The following TMEM163 variants were observed in gnomAD, a reference collection of about 807,000 sequenced individuals.
The protein encoded by TMEM163 is transmembrane protein 163.
In TMEM163, 17 loss-of-function variants were observed where a neutral mutation model predicts 29.3. The ratio of observed to expected loss-of-function variants is 0.58; its 90% CI spans 0.40 to 0.87. The LOEUF is 0.87. Among genes scored for constraint, TMEM163 ranks in the 40% least tolerant of loss-of-function variants. TMEM163 has a pLI of 0.00. For synonymous variants in TMEM163, 157 were observed against 160.6 expected, an observed-to-expected ratio of 0.98 and a Z score of 0.17; for missense variants, 303 against 381.5, an observed-to-expected ratio of 0.79 and a Z score of 1.71.
intron 5 of TMEM163, among the ~76,000 whole-genome samples, chr2:134,485,192 C>CCAGG (rs1399958563): frequency 6.6e-6 from 1 of 152,186 alleles, no homozygotes; most frequent in Non-Finnish European, 1.5e-5. Context: ...CCTGGCTTAG[C>CCAGG]CTAGCCTAAA....
intron 2 of TMEM163, among the ~76,000 whole-genome samples, chr2:134,562,090 G>A (rs1332867105): frequency 1.3e-5 from 2 of 152,206 alleles, no homozygotes; most frequent in East Asian, 3.8e-4. Context: ...CTGTGAGGTT[G>A]CTGGGAGTTT....
chr2:134,624,360 G>C (rs1682801061), intron 2 of TMEM163, among the ~76,000 whole-genome samples: 1 of 152,094 alleles, frequency 6.6e-6, no homozygotes, highest in African/African-American at 2.4e-5. Flanking sequence ...AACTAACAAA[G>C]GGACAGAAAA....
intron 5 of TMEM163, among the ~76,000 whole-genome samples, chr2:134,478,940 C>T (rs1198428292): frequency 6.6e-6 from 1 of 152,186 alleles, no homozygotes; most frequent in East Asian, 1.9e-4. Context: ...GGATACTGCT[C>T]CCCTCATCCT....
At chr2:134,502,376 C>T (rs996309503) in intron 5 of TMEM163, among the ~76,000 whole-genome samples, 7 of 152,096 alleles carry the variant, frequency 4.6e-5, no homozygotes, top group Non-Finnish European at 7.4e-5. Flanking sequence ...ATCAGAGTGC[C>T]GGTAATGACT....
At chr2:134,702,746 T>C (rs1684730791) in intron 2 of TMEM163, among the ~76,000 whole-genome samples, 2 of 151,942 alleles carry the variant, frequency 1.3e-5, no homozygotes, top group African/African-American at 2.4e-5. Flanking sequence ...ACTCAGACAA[T>C]TTTTTTAACT....
chr2:134,462,331 C>T (rs1206587776), intron 6 of TMEM163, among the ~76,000 whole-genome samples: 1 of 152,162 alleles, frequency 6.6e-6, no homozygotes, highest in African/African-American at 2.4e-5. Context: ...CTGCTCCCCA[C>T]CACCAATGAC....
At chr2:134,514,405 TTTA>T (rs1419873336) in intron 4 of TMEM163, among the ~76,000 whole-genome samples, 3,227 of 92,784 alleles carry the variant, frequency 0.035, 89 homozygotes, top group African/African-American at 0.13. Flanking sequence ...TTTTTTTTTT[TTTA>T]AAAAAAGAGG....
At chr2:134,580,491 C>T (rs1681666985) in intron 2 of TMEM163, among the ~76,000 whole-genome samples, 1 of 152,248 alleles carries the variant, frequency 6.6e-6, no homozygotes, top group African/African-American at 2.4e-5. Context: ...GGCTTCCCCA[C>T]ATACTATATA....
chr2:134,668,176 A>G (rs1683908779), intron 2 of TMEM163, among the ~76,000 whole-genome samples: 1 of 152,190 alleles, frequency 6.6e-6, no homozygotes, highest in African/African-American at 2.4e-5. Flanking sequence ...CAAAATGAAA[A>G]ACCGAAACTC....
At position 134,575,575 on chromosome 2, in the gene TMEM163, G is replaced by A. The variant is rs539380102; in HGVS notation, c.323-23484C>T. On this transcript the variant is annotated intron_variant, in intron 2 of 7. Coordinates refer to ENST00000281924, the MANE Select transcript of TMEM163 (RefSeq NM_030923.5). ...GCTCCATGCCATCCCTCTGGGTCAC[G>A]CTTTCATGAGATGTGTCACTCGCCA... 6.6e-5 allele frequency among the ~76,000 whole-genome samples: 10 copies of A among 152,268 alleles called. No homozygotes were observed. The South Asian group carries it at 1.0e-3, about 16-fold the overall frequency.
chr2:134,698,171 C>A (rs1684620970), intron 2 of TMEM163, among the ~76,000 whole-genome samples: 1 of 152,208 alleles, frequency 6.6e-6, no homozygotes, highest in African/African-American at 2.4e-5. Flanking sequence ...ACCAGTAGCA[C>A]CTCCATTCCC....
At position 134,502,957 on chromosome 2, in the gene TMEM163, T is replaced by G. The variant is rs1679731625; in HGVS notation, c.499A>C (p.Ile167Leu). ...TGGATGGCTTTGACCACTATACATA[T>G]GGATGACAGAAGGAATATCACCCCC... The part of the protein sequence containing the change: ...ILGVIFLLSS[I>L]CIVVKAIHDL... Residue 167 changes from isoleucine (I) to leucine (L), a missense_variant, in exon 5 of 8, where the codon ATA becomes CTA. Transcript: ENST00000281924. 3 of 1,613,976 alleles carry G rather than the reference T, an allele frequency of 1.9e-6. No individual in the cohort carries two copies. Among genetic ancestry groups the G allele is most frequent in the East Asian group, 2.2e-5 (1 of 44,860 alleles).
intron 2 of TMEM163, among the ~76,000 whole-genome samples, chr2:134,610,410 C>T (rs1163925769): frequency 6.6e-6 from 1 of 152,276 alleles, no homozygotes; most frequent in South Asian, 2.1e-4. Flanking sequence ...TCAGCTGCAG[C>T]GCTTCTTAAA....
intron 4 of TMEM163, among the ~76,000 whole-genome samples, chr2:134,527,417 A>G (rs1680319494): frequency 1.3e-5 from 2 of 152,182 alleles, no homozygotes; most frequent in Non-Finnish European, 2.9e-5. Context: ...AAACCTTCAG[A>G]AAAAAATACA....
chr2:134,555,387 G>T (rs2104773389), intron 2 of TMEM163, among the ~76,000 whole-genome samples: 1 of 152,270 alleles, frequency 6.6e-6, no homozygotes, highest in South Asian at 2.1e-4. Flanking sequence ...AGATTACATG[G>T]TAGAGGCACC....
At chr2:134,575,230 A>G (rs1681526209) in intron 2 of TMEM163, among the ~76,000 whole-genome samples, 1 of 152,192 alleles carries the variant, frequency 6.6e-6, no homozygotes, top group African/African-American at 2.4e-5. Context: ...GAATAAACTT[A>G]TAAAGATGGT....
At chr2:134,457,990 C>G (rs1453987128) in intron 7 of TMEM163, 42 bp downstream of exon 7, 2 of 1,613,206 alleles carry the variant, frequency 1.2e-6, no homozygotes, top group African/African-American at 2.7e-5. Flanking sequence ...AAGGGACACT[C>G]CTAGCTGCCA....
At chr2:134,528,836 T>C (rs1680350916) in intron 4 of TMEM163, among the ~76,000 whole-genome samples, 1 of 152,234 alleles carries the variant, frequency 6.6e-6, no homozygotes, top group Non-Finnish European at 1.5e-5. Flanking sequence ...CCTTCACTGC[T>C]ATGTTATAAT....
At chr2:134,701,117 T>C (rs1243950179) in intron 2 of TMEM163, among the ~76,000 whole-genome samples, 1 of 151,712 alleles carries the variant, frequency 6.6e-6, no homozygotes, top group East Asian at 1.9e-4. Context: ...ACACTAAACA[T>C]GTTGTTTTGG....
Sources: allele counts gnomAD v4.1 joint callset (sites outside exome capture counted in the v4.1 genomes callset), GRCh38; gene constraint gnomAD v4.1.1; transcripts MANE v1.5; gene names NCBI Gene and HGNC (gene_info 2026-07-23, HGNC 2026-07-21).